The following RERE variants were observed in gnomAD, a reference collection of about 807,000 sequenced individuals.
RERE encodes the protein arginine-glutamic acid dipeptide repeats.
RERE carries 40 observed loss-of-function variants against 146.1 expected under a neutral mutation model. The ratio of observed to expected loss-of-function variants is 0.27; its 90% CI spans 0.21 to 0.36. RERE has a LOEUF of 0.36. Ranked by LOEUF, RERE falls within the 10% of genes least tolerant of loss-of-function variation. The pLI is 1.00. For synonymous variants in RERE, 1,003 were observed against 866.0 expected (o/e 1.16, Z -2.78); for missense variants, 1,933 against 2,138.7 (o/e 0.90, Z 1.90).
At chr1:8,550,094 AGTTG>A (rs1411208243) in intron 6 of RERE, among the ~76,000 whole-genome samples, 3 of 152,236 alleles carry the variant, frequency 2.0e-5, no homozygotes, top group Non-Finnish European at 4.4e-5. Flanking sequence ...ACTGTACTAT[AGTTG>A]TAGAAGAAGT....
intron 1 of RERE, among the ~76,000 whole-genome samples, chr1:8,795,982 C>CAAAAAAAAAAAAAAAAAAA (rs556814425): frequency 3.3e-5 from 1 of 30,020 alleles, no homozygotes; most frequent in Non-Finnish European, 6.8e-5. Context: ...AACTCCGTCT[C>CAAAAAAAAAAAAAAAAAAA]AAAAAAAAAA....
intron 4 of RERE, among the ~76,000 whole-genome samples, chr1:8,582,772 T>G (rs2124067594): frequency 6.6e-6 from 1 of 152,180 alleles, no homozygotes; most frequent in African/African-American, 2.4e-5. Flanking sequence ...TCTCTAACAC[T>G]GATACCGGGC....
At chr1:8,661,099 C>A (rs576702968) in intron 1 of RERE, among the ~76,000 whole-genome samples, 3 of 152,196 alleles carry the variant, frequency 2.0e-5, no homozygotes, top group South Asian at 2.1e-4. Context: ...TGTTGCAGGA[C>A]TGCAATTTTA....
chr1:8,609,515 A>G (rs1473672541), intron 4 of RERE, among the ~76,000 whole-genome samples: 7 of 152,214 alleles, frequency 4.6e-5, no homozygotes, highest in Non-Finnish European at 1.0e-4. Context: ...AATCAAATAT[A>G]AAAAGCAATC....
intron 12 of RERE, among the ~76,000 whole-genome samples, chr1:8,410,142 C>T (rs924834157): frequency 2.0e-5 from 3 of 152,106 alleles, no homozygotes; most frequent in Non-Finnish European, 2.9e-5. Context: ...CCAGGAGGCA[C>T]TAAGTTAACA....
intron 4 of RERE, 27 bp downstream of exon 4, chr1:8,614,534 A>C: frequency 6.3e-7 from 1 of 1,598,976 alleles, no homozygotes; most frequent in Non-Finnish European, 8.5e-7. Flanking sequence ...AAATACTGAT[A>C]GCTTTTAAAA....
intron 8 of RERE, among the ~76,000 whole-genome samples, chr1:8,498,730 T>TACAC (rs1357066114): frequency 4.1e-3 from 49 of 11,858 alleles, no homozygotes; most frequent in East Asian, 0.018. Context: ...AAAATAAATA[T>TACAC]ATACACACAC....
At chr1:8,597,680 G>T (rs1646571368) in intron 4 of RERE, among the ~76,000 whole-genome samples, 1 of 152,114 alleles carries the variant, frequency 6.6e-6, no homozygotes, top group East Asian at 1.9e-4. Context: ...TCACAGCCCT[G>T]TTATATATGA....
rs1472085886 is a variant in RERE, at chr1:8,356,509, A to G, written c.4340-263T>C. ...CGCTTGTGGAGTGCCCCTAACAGGCAATCCCAGGCCAGTTTTGTCGAGGAC... is the reference window on the plus strand; with the variant it reads ...CGCTTGTGGAGTGCCCCTAACAGGCGATCCCAGGCCAGTTTTGTCGAGGAC... On this transcript the variant is annotated intron_variant, in intron 20 of 22. Coordinates refer to ENST00000400908, the MANE Select transcript of RERE (RefSeq NM_001042681.2). The surrounding 1 kb of genome is among the most constrained non-coding windows in gnomAD (Gnocchi z 5.2). 6.6e-6 allele frequency among the ~76,000 whole-genome samples: 1 copy of G among 152,144 alleles called. No individual in the cohort carries two copies. The highest frequency in any genetic ancestry group is 1.5e-5 in the Non-Finnish European group (1 of 68,010).
At chr1:8,657,254 G>A (rs1280997689) in intron 1 of RERE, among the ~76,000 whole-genome samples, 6 of 147,068 alleles carry the variant, frequency 4.1e-5, no homozygotes, top group African/African-American at 1.3e-4. Flanking sequence ...GTAGTGAGCC[G>A]AGATTGTGCC....
At chr1:8,381,222 G>T in intron 12 of RERE, 1 of 349,416 alleles carries the variant, frequency 2.9e-6, no homozygotes, top group South Asian at 2.1e-5. Flanking sequence ...AGGATATCAA[G>T]TTATGTCTAT....
intron 1 of RERE, among the ~76,000 whole-genome samples, chr1:8,706,147 TCTATTAAC>T (rs1362350412): frequency 6.7e-6 from 1 of 149,472 alleles, no homozygotes; most frequent in African/African-American, 2.5e-5. Context: ...AAGAATGTCT[TCTATTAAC>T]CTTTAAAAGC....
At position 8,408,809 on chromosome 1, in the gene RERE, G is replaced by A. The variant is rs201158171; in HGVS notation, c.1284+13918C>T. ...ATGTGTGCTATAAAAAATGACTCCTGCCGTGAGTGCTGCGGGGAGGTGGAG... is the reference window on the plus strand; with the variant it reads ...ATGTGTGCTATAAAAAATGACTCCTACCGTGAGTGCTGCGGGGAGGTGGAG... On this transcript the variant is annotated intron_variant, in intron 12 of 22. Coordinates refer to ENST00000400908, the MANE Select transcript of RERE (RefSeq NM_001042681.2). Among the ~76,000 whole-genome samples, 5 of 152,294 alleles carry A rather than the reference G, an allele frequency of 3.3e-5. No individual in the cohort carries two copies. In the East Asian group the frequency reaches 7.7e-4, roughly 23 times the overall value.
chr1:8,793,967 C>T lies in RERE; in HGVS notation c.-145+23193G>A, dbSNP rs534099208. Among the ~76,000 whole-genome samples the T allele has an allele frequency of 2.0e-5, 3 of 151,876 alleles. No homozygotes were observed. In the South Asian group the frequency reaches 6.3e-4, roughly 32 times the overall value. ...TGTAGTCCCACCTACTCAGGAGAGG[C>T]TGAGGCACGAGAATCGCTTGAACCC... On this transcript the variant is annotated intron_variant, in intron 1 of 22. Transcript: ENST00000400908.
chr1:8,661,868 C>A (rs1386024498), intron 1 of RERE, among the ~76,000 whole-genome samples: 2 of 152,136 alleles, frequency 1.3e-5, no homozygotes, highest in Non-Finnish European at 2.9e-5. Flanking sequence ...AATGAGATCA[C>A]CCAGGAAGTG....
intron 4 of RERE, among the ~76,000 whole-genome samples, chr1:8,577,106 T>C (rs1570461613): frequency 6.6e-6 from 1 of 151,500 alleles, no homozygotes; most frequent in Non-Finnish European, 1.5e-5. Context: ...GAGGCGGAGG[T>C]TGCAGTGAGC....
In RERE at chr1:8,592,533, A is replaced by G. The variant is rs188707081; in HGVS notation, c.522+22028T>C. On this transcript the variant is annotated intron_variant, in intron 4 of 22. Coordinates refer to ENST00000400908, the MANE Select transcript of RERE (RefSeq NM_001042681.2). ...GTGATCCACCCGCTTCGGCCTCCCA[A>G]AGTGCTGGGATTACAGGCATGAGCC... is the stretch of plus-strand genomic sequence containing the variant. Among the ~76,000 whole-genome samples the G allele has an allele frequency of 3.4e-3, 523 of 151,982 alleles. 4 individuals carry two copies. The highest frequency in any genetic ancestry group is 5.6e-3 in the Non-Finnish European group (382 of 67,954).
At chr1:8,520,467 A>C (rs1645477483) in intron 7 of RERE, among the ~76,000 whole-genome samples, 1 of 152,110 alleles carries the variant, frequency 6.6e-6, no homozygotes, top group African/African-American at 2.4e-5. Context: ...CACACACAAT[A>C]ATGTATGAGT....
intron 10 of RERE, among the ~76,000 whole-genome samples, chr1:8,471,555 G>C (rs1323801174): frequency 7.4e-6 from 1 of 134,282 alleles, no homozygotes; most frequent in African/African-American, 2.8e-5. Context: ...TCACTCTGTT[G>C]CCTGAGCTAG....
Sources: allele counts gnomAD v4.1 joint callset (sites outside exome capture counted in the v4.1 genomes callset), GRCh38; gene constraint gnomAD v4.1.1; non-coding constraint Gnocchi (gnomAD v3.1); transcripts MANE v1.5; gene names NCBI Gene and HGNC (gene_info 2026-07-23, HGNC 2026-07-21).